FHIT: variants seen among roughly 807,000 people sequenced by gnomAD.
The protein encoded by FHIT is bis(5'-adenosyl)-triphosphatase.
A neutral mutation model predicts 17.9 loss-of-function variants in FHIT; 19 were observed. That is an observed-to-expected ratio of 1.06 (90% confidence interval 0.74 to 1.56). The LOEUF (loss-of-function observed/expected upper bound fraction) is 1.56. FHIT is among the 40% of genes most tolerant of loss of function. The pLI is 0.00. For synonymous variants in FHIT, 81 were observed against 69.7 expected (o/e 1.16, Z -0.81); for missense variants, 248 against 189.2 (o/e 1.31, Z -1.82).
intron 3 of FHIT, among the ~76,000 whole-genome samples, chr3:60,886,569 T>A (rs9869424): frequency 6.6e-6 from 1 of 151,748 alleles, no homozygotes; most frequent in African/African-American, 2.4e-5. Flanking sequence ...ATGGAAAAAA[T>A]AGAGGGGCAG....
At chr3:60,443,342 T>A (rs1235861115) in intron 5 of FHIT, among the ~76,000 whole-genome samples, 4 of 152,166 alleles carry the variant, frequency 2.6e-5, no homozygotes, top group African/African-American at 9.7e-5. Context: ...GACATCTCTG[T>A]CTTGTGCCAG....
At chr3:59,857,381 C>G (rs544333981) in intron 8 of FHIT, among the ~76,000 whole-genome samples, 29 of 152,108 alleles carry the variant, frequency 1.9e-4, no homozygotes, top group African/African-American at 6.3e-4. Context: ...TTTAAACATT[C>G]TGGCCACTTC....
At chr3:60,522,443 A>C (rs1041895986) in intron 5 of FHIT, among the ~76,000 whole-genome samples, 2 of 152,224 alleles carry the variant, frequency 1.3e-5, no homozygotes, top group African/African-American at 4.8e-5. Flanking sequence ...GCAAAGGAAC[A>C]ACCTGTTCTT....
intron 2 of FHIT, among the ~76,000 whole-genome samples, chr3:61,158,366 A>G (rs1167912934): frequency 2.0e-5 from 3 of 152,230 alleles, no homozygotes; most frequent in Non-Finnish European, 4.4e-5. Flanking sequence ...TTCCTGAAAC[A>G]CAACTAGCTT....
At chr3:60,740,804 T>C (rs952721808) in intron 4 of FHIT, among the ~76,000 whole-genome samples, 10 of 152,216 alleles carry the variant, frequency 6.6e-5, no homozygotes, top group Non-Finnish European at 1.3e-4. Context: ...TCAGGTACCC[T>C]GGAAACTGAA....
intron 5 of FHIT, among the ~76,000 whole-genome samples, chr3:60,240,044 C>A (rs576821393): frequency 1.3e-5 from 2 of 152,284 alleles, no homozygotes; most frequent in African/African-American, 4.8e-5. Context: ...ACACAAAAAA[C>A]TGTAAAAATT....
chr3:61,191,086 A>G (rs1465152675), intron 2 of FHIT, among the ~76,000 whole-genome samples: 1 of 152,176 alleles, frequency 6.6e-6, no homozygotes, highest in East Asian at 1.9e-4. Context: ...TATAATAAAA[A>G]AAAAATAAAA....
chr3:60,148,825 C>T (rs1476326286), intron 5 of FHIT, among the ~76,000 whole-genome samples: 1 of 152,178 alleles, frequency 6.6e-6, no homozygotes, highest in Non-Finnish European at 1.5e-5. Context: ...CATTAACTGT[C>T]TTAATAAAGG....
intron 8 of FHIT, among the ~76,000 whole-genome samples, chr3:59,781,865 A>T (rs1211406055): frequency 6.6e-6 from 1 of 152,198 alleles, no homozygotes; most frequent in Non-Finnish European, 1.5e-5. Context: ...ATTTGCTTCT[A>T]AAGTTATGAT....
At position 60,203,012 on chromosome 3, in the gene FHIT, A is replaced by AC. The variant is rs1001784884; in HGVS notation, c.104-188861dup. 2.0e-5 allele frequency among the ~76,000 whole-genome samples: 3 copies of AC among 151,424 alleles called. No homozygotes were observed. In the East Asian group the frequency reaches 5.8e-4, roughly 29 times the overall value. ...TTGACACATTACAGTTAAAAAAAAA[A>AC]CCCCAATAGAAGTACATAGACATAC... On this transcript the variant is annotated intron_variant, in intron 5 of 9. Coordinates refer to ENST00000492590, the MANE Select transcript of FHIT (RefSeq NM_002012.4).
At chr3:60,105,183 A>C (rs1301403403) in intron 5 of FHIT, among the ~76,000 whole-genome samples, 1 of 152,174 alleles carries the variant, frequency 6.6e-6, no homozygotes, top group African/African-American at 2.4e-5. Flanking sequence ...GCTTCACTTA[A>C]CAAGGACTTT....
intron 2 of FHIT, among the ~76,000 whole-genome samples, chr3:61,077,484 AC>A (rs1416964122): frequency 6.6e-6 from 1 of 151,848 alleles, no homozygotes; most frequent in African/African-American, 2.4e-5. Context: ...AAACAAACAA[AC>A]AAAAAAAAAC....
At chr3:59,926,751 G>C (rs568035434) in intron 7 of FHIT, among the ~76,000 whole-genome samples, 1 of 152,130 alleles carries the variant, frequency 6.6e-6, no homozygotes, top group Non-Finnish European at 1.5e-5. Flanking sequence ...AGTCATTAGG[G>C]AAATGCAAAT....
intron 7 of FHIT, among the ~76,000 whole-genome samples, chr3:60,002,752 T>C (rs1699777662): frequency 6.6e-6 from 1 of 152,228 alleles, no homozygotes; most frequent in Non-Finnish European, 1.5e-5. Context: ...TCTTGAGACT[T>C]ACTTTATTAA....
At chr3:60,064,949 C>A (rs573296045) in intron 5 of FHIT, among the ~76,000 whole-genome samples, 2 of 152,296 alleles carry the variant, frequency 1.3e-5, no homozygotes, top group South Asian at 4.1e-4. Context: ...TTACCCTACT[C>A]AAAGTCACAC....
At chr3:60,443,176 G>A (rs2031045513) in intron 5 of FHIT, among the ~76,000 whole-genome samples, 1 of 152,174 alleles carries the variant, frequency 6.6e-6, no homozygotes, top group African/African-American at 2.4e-5. Context: ...ATTTTGGGCT[G>A]AGACGATGGG....
At chr3:61,032,218 G>C (rs1160837297) in intron 3 of FHIT, among the ~76,000 whole-genome samples, 1 of 152,162 alleles carries the variant, frequency 6.6e-6, no homozygotes, top group Non-Finnish European at 1.5e-5. Context: ...TTTACATACA[G>C]TAAACTTGTC....
At chr3:61,080,572 T>A (rs963037709) in intron 2 of FHIT, among the ~76,000 whole-genome samples, 2 of 152,214 alleles carry the variant, frequency 1.3e-5, no homozygotes, top group African/African-American at 4.8e-5. Flanking sequence ...AGATGTTCGA[T>A]ATTATAGTGC....
At chr3:59,975,466 AAC>A (rs1361611902) in intron 7 of FHIT, among the ~76,000 whole-genome samples, 1 of 152,152 alleles carries the variant, frequency 6.6e-6, no homozygotes, top group Admixed American at 6.6e-5. Context: ...ACAGTAACTA[AAC>A]AACAAATGTT....
Sources: allele counts gnomAD v4.1 joint callset (sites outside exome capture counted in the v4.1 genomes callset), GRCh38; gene constraint gnomAD v4.1.1; transcripts MANE v1.5; gene names NCBI Gene and HGNC (gene_info 2026-07-23, HGNC 2026-07-21).